MAGI3: variants seen among roughly 807,000 people sequenced by gnomAD.
MAGI3 encodes membrane associated guanylate kinase, WW and PDZ domain containing 3.
MAGI3 carries 43 observed loss-of-function variants against 121.8 expected under a neutral mutation model. The ratio of observed to expected loss-of-function variants is 0.35; its 90% CI spans 0.28 to 0.46. The LOEUF (loss-of-function observed/expected upper bound fraction) is 0.46. MAGI3 is among the 20% of genes least tolerant of loss of function. The pLI is 1.00. For missense variants in MAGI3, 1,547 were observed against 1,797.3 expected, an observed-to-expected ratio of 0.86 and a Z score of 2.52; for synonymous variants, 553 against 639.3, an observed-to-expected ratio of 0.86 and a Z score of 2.04.
At chr1:113,550,706 A>G (rs1255188091) in intron 2 of MAGI3, among the ~76,000 whole-genome samples, 2 of 151,102 alleles carry the variant, frequency 1.3e-5, no homozygotes, top group Non-Finnish European at 3.0e-5. Context: ...CAGTGAGCCG[A>G]GATCATGCCG....
At chr1:113,408,291 T>G (rs1300701256) in intron 1 of MAGI3, among the ~76,000 whole-genome samples, 1 of 152,170 alleles carries the variant, frequency 6.6e-6, no homozygotes, top group Non-Finnish European at 1.5e-5. Flanking sequence ...TTCAGCCTCC[T>G]TGTTAAAATT....
chr1:113,508,153 C>G (rs1657433605), intron 1 of MAGI3, among the ~76,000 whole-genome samples: 1 of 152,096 alleles, frequency 6.6e-6, no homozygotes, highest in African/African-American at 2.4e-5. Context: ...AAACAAGTCT[C>G]AACTCTTGTT....
At chr1:113,484,164 A>C (rs1203876074) in intron 1 of MAGI3, among the ~76,000 whole-genome samples, 1 of 152,226 alleles carries the variant, frequency 6.6e-6, no homozygotes, top group Non-Finnish European at 1.5e-5. Context: ...ACCATATGGG[A>C]AACTGTGGCA....
chr1:113,512,780 A>G (rs555123436), intron 1 of MAGI3, among the ~76,000 whole-genome samples: 2 of 152,342 alleles, frequency 1.3e-5, no homozygotes, highest in East Asian at 1.9e-4. Context: ...GGCCAGGGCA[A>G]TTAGGCAGGA....
intron 1 of MAGI3, among the ~76,000 whole-genome samples, chr1:113,437,773 CCTTCTTTCTTCTTCTTCCTT>C (rs1386403171): frequency 1.4e-5 from 2 of 142,618 alleles, no homozygotes; most frequent in Admixed American, 1.4e-4. Flanking sequence ...CTTTCTTCTT[CCTTCTTTCTTCTTCTTCCTT>C]CTTCTTTCTT....
At chr1:113,579,223 C>T (rs1647858464) in intron 2 of MAGI3, among the ~76,000 whole-genome samples, 2 of 151,994 alleles carry the variant, frequency 1.3e-5, no homozygotes, top group Admixed American at 6.6e-5. Context: ...TGTTGCCATA[C>T]CCTAGATAGA....
chr1:113,563,428 A>C (rs749355731), intron 2 of MAGI3, among the ~76,000 whole-genome samples: 1 of 152,140 alleles, frequency 6.6e-6, no homozygotes, highest in Non-Finnish European at 1.5e-5. Context: ...GAAAGAAGAG[A>C]GTTCTTTTCC....
chr1:113,628,790 T>G (rs1014692393), intron 9 of MAGI3, among the ~76,000 whole-genome samples: 3 of 152,182 alleles, frequency 2.0e-5, no homozygotes, highest in Non-Finnish European at 4.4e-5. Flanking sequence ...TTAGACATAT[T>G]GGAGCTCCTT....
At chr1:113,445,517 C>A (rs1380958684) in intron 1 of MAGI3, among the ~76,000 whole-genome samples, 1 of 152,096 alleles carries the variant, frequency 6.6e-6, no homozygotes, top group African/African-American at 2.4e-5. Context: ...ACTTGGGAGG[C>A]TGAGATGAGA....
intron 1 of MAGI3, among the ~76,000 whole-genome samples, chr1:113,487,097 CAG>C (rs1656418211): frequency 6.6e-6 from 1 of 152,134 alleles, no homozygotes; most frequent in African/African-American, 2.4e-5. Flanking sequence ...AATAATTTAA[CAG>C]ATATTTAAAC....
intron 1 of MAGI3, among the ~76,000 whole-genome samples, chr1:113,512,152 CAT>C (rs1657646564): frequency 6.6e-6 from 1 of 152,116 alleles, no homozygotes; most frequent in Non-Finnish European, 1.5e-5. Context: ...AAAAATGACT[CAT>C]ATATATTTGC....
intron 9 of MAGI3, among the ~76,000 whole-genome samples, chr1:113,634,584 A>G (rs1186973062): frequency 6.6e-6 from 1 of 152,084 alleles, no homozygotes; most frequent in Non-Finnish European, 1.5e-5. Flanking sequence ...GTTCTGTTCC[A>G]TTGATCTATA....
intron 9 of MAGI3, among the ~76,000 whole-genome samples, chr1:113,624,952 A>G (rs973919898): frequency 6.6e-6 from 1 of 152,214 alleles, no homozygotes; most frequent in Non-Finnish European, 1.5e-5. Flanking sequence ...TCCTAGAACC[A>G]TTGAAGAGAC....
intron 11 of MAGI3, among the ~76,000 whole-genome samples, chr1:113,646,065 G>C (rs1349161025): frequency 6.6e-6 from 1 of 152,054 alleles, no homozygotes; most frequent in Non-Finnish European, 1.5e-5. Context: ...ATCTTCCTTA[G>C]AAATTAAACT....
intron 1 of MAGI3, among the ~76,000 whole-genome samples, chr1:113,513,467 A>G (rs1342161219): frequency 6.6e-6 from 1 of 152,188 alleles, no homozygotes; most frequent in Non-Finnish European, 1.5e-5. Context: ...CTCAGAAATA[A>G]TGCCACCTAT....
intron 1 of MAGI3, among the ~76,000 whole-genome samples, chr1:113,475,148 G>T (rs1655748865): frequency 6.6e-6 from 1 of 152,168 alleles, no homozygotes; most frequent in Non-Finnish European, 1.5e-5. Context: ...TTGAGACAGT[G>T]GGGTTTTCTA....
At chr1:113,401,790 T>A (rs942783058) in intron 1 of MAGI3, among the ~76,000 whole-genome samples, 2 of 152,148 alleles carry the variant, frequency 1.3e-5, no homozygotes, top group Admixed American at 6.6e-5. Context: ...TTTGCTTGAA[T>A]AAAATTTAGC....
At chr1:113,436,887 T>C (rs1653592861) in intron 1 of MAGI3, among the ~76,000 whole-genome samples, 1 of 149,014 alleles carries the variant, frequency 6.7e-6, no homozygotes, top group Admixed American at 6.7e-5. Flanking sequence ...TGATCTCGGC[T>C]CACTGCAACC....
intron 1 of MAGI3, among the ~76,000 whole-genome samples, chr1:113,454,378 T>TATAA (rs1654642353): frequency 6.6e-6 from 1 of 152,182 alleles, no homozygotes; most frequent in Non-Finnish European, 1.5e-5. Context: ...GTATGACCTG[T>TATAA]CCGTACATTT....
Sources: allele counts gnomAD v4.1 joint callset (sites outside exome capture counted in the v4.1 genomes callset), GRCh38; gene constraint gnomAD v4.1.1; transcripts MANE v1.5; gene names NCBI Gene and HGNC (gene_info 2026-07-23, HGNC 2026-07-21).